The following MET variants were observed in gnomAD, a reference collection of about 807,000 sequenced individuals.
The protein encoded by MET is hepatocyte growth factor receptor.
Under a neutral mutation model 133.1 loss-of-function variants are expected in MET, and 48 were observed. The observed-to-expected ratio is 0.36, with a 90% CI of 0.29 to 0.46. MET has a LOEUF of 0.46. MET is among the 20% of genes least tolerant of loss of function. The pLI, the probability that MET is intolerant of heterozygous loss-of-function variation, is 1.00. For synonymous variants in MET, 628 were observed against 616.5 expected (o/e 1.02, Z -0.28); for missense variants, 1,442 against 1,695.9 (o/e 0.85, Z 2.63).
At chr7:116,707,107 T>C (rs1300235374) in intron 2 of MET, among the ~76,000 whole-genome samples, 1 of 152,076 alleles carries the variant, frequency 6.6e-6, no homozygotes, top group Non-Finnish European at 1.5e-5. Flanking sequence ...CCTAGTCTAA[T>C]GTTGGAGCAG....
At chr7:116,717,299 T>C (rs1226551595) in intron 2 of MET, among the ~76,000 whole-genome samples, 1 of 151,942 alleles carries the variant, frequency 6.6e-6, no homozygotes, top group African/African-American at 2.4e-5. Flanking sequence ...CAGTAAAGAG[T>C]TAAAATATGT....
chr7:116,795,684 G>A lies in MET; in HGVS notation c.3828G>A (p.Leu1276=), dbSNP rs2117107723. The change falls in exon 20 of 21, where the codon CTG becomes CTA. Residue 1276 remains leucine (L), a synonymous_variant. Transcript: ENST00000397752. ...CCTTTGGCGTGCTCCTCTGGGAGCT[G>A]ATGACAAGAGGAGCCCCACCTTATC... ...VWSFGVLLWE[L]MTRGAPPYPD... 1 of 1,614,076 alleles carries A rather than the reference G, an allele frequency of 6.2e-7. No individual in the cohort carries two copies. The highest frequency in any genetic ancestry group is 8.5e-7 in the Non-Finnish European group (1 of 1,180,018).
intron 2 of MET, among the ~76,000 whole-genome samples, chr7:116,716,284 GGAGAGAGAGAGAGAGA>G (rs564115135): frequency 0.021 from 782 of 38,064 alleles, 10 homozygotes; most frequent in African/African-American, 0.065. Context: ...AGGGAGAGAG[GGAGAGAGAGAGAGAGA>G]GAGAGAGAGA....
chr7:116,729,352 T>C (rs1792906963), intron 2 of MET, among the ~76,000 whole-genome samples: 1 of 152,214 alleles, frequency 6.6e-6, no homozygotes, highest in Admixed American at 6.5e-5. Flanking sequence ...GAAATCGTTG[T>C]TGATATATAA....
chr7:116,746,417 G>A (rs887057655), intron 5 of MET, among the ~76,000 whole-genome samples: 11 of 152,154 alleles, frequency 7.2e-5, no homozygotes, highest in Admixed American at 3.3e-4. Flanking sequence ...TGACCCAGCT[G>A]TCCCATTACT....
rs955086606 is a variant in MET, at chr7:116,725,328, T to A, written c.1201-6340T>A. On this transcript the variant is annotated intron_variant, in intron 2 of 20. Transcript: ENST00000397752. ...GTTATGTAACATTATAATTGTGAGT[T>A]CAGCAAAGCCATGAGAATGTTTCAA... Among the ~76,000 whole-genome samples, 9 of 152,216 alleles carry A rather than the reference T, an allele frequency of 5.9e-5. No homozygotes were observed. The East Asian group carries it at 1.7e-3, about 29-fold the overall frequency.
chr7:116,678,305 A>AACAGTGCACAT (rs1209725856), intron 1 of MET, among the ~76,000 whole-genome samples: 1 of 152,158 alleles, frequency 6.6e-6, no homozygotes, highest in Non-Finnish European at 1.5e-5. Context: ...TATATCATGA[A>AACAGTGCACAT]ACAGTGCACA....
chr7:116,737,916 A>G (rs1428065826), intron 3 of MET, among the ~76,000 whole-genome samples: 2 of 152,204 alleles, frequency 1.3e-5, no homozygotes, highest in African/African-American at 2.4e-5. Flanking sequence ...AAATGGTATT[A>G]AAAAGAGCAA....
intron 2 of MET, among the ~76,000 whole-genome samples, chr7:116,726,460 T>A (rs1792789644): frequency 6.6e-6 from 1 of 151,880 alleles, no homozygotes; most frequent in South Asian, 2.1e-4. Context: ...GTCCACCTTA[T>A]TCTTTGTCAC....
At chr7:116,743,364 G>T (rs1470052672) in intron 5 of MET, among the ~76,000 whole-genome samples, 1 of 152,170 alleles carries the variant, frequency 6.6e-6, no homozygotes, top group Non-Finnish European at 1.5e-5. Flanking sequence ...TGCCTGGAAT[G>T]CCAGCAAGAC....
intron 2 of MET, chr7:116,724,917 T>C (rs1792681674): frequency 8.3e-7 from 1 of 1,203,922 alleles, no homozygotes; most frequent in African/African-American, 1.6e-5. Context: ...AATTAATATT[T>C]GTAAAATGCT....
In MET at chr7:116,731,688, A is replaced by T. The variant is rs200003116; in HGVS notation, c.1221A>T (p.Ser407=). Residue 407 remains serine (S), a synonymous_variant, in exon 3 of 21, where the codon TCA becomes TCT. Coordinates refer to ENST00000397752, the MANE Select transcript of MET (RefSeq NM_000245.4). ...TCCAGACACTTCTGAGAAATTCATC[A>T]GGCTGTGAAGCGCGCCGTGATGAAT... is the stretch of plus-strand genomic sequence containing the variant. The part of the protein sequence containing the change: ...CFNRTLLRNS[S]GCEARRDEYR... The T allele has an allele frequency of 6.2e-7, 1 of 1,614,166 alleles. No individual in the cohort carries two copies.
chr7:116,779,024 C>A (rs2117049340), intron 17 of MET, 67 bp downstream of exon 17: 3 of 1,517,974 alleles, frequency 2.0e-6, no homozygotes, highest in Non-Finnish European at 2.7e-6. Context: ...TCAAAATAGG[C>A]CTGCTCTGAG....
rs756086234 is a variant in MET at position 116,797,171 on chromosome 7, A to G, written c.*1047A>G. On this transcript the variant is annotated 3_prime_UTR_variant, in exon 21 of 21. Transcript: ENST00000397752. Reference sequence around the variant, plus strand: ...GTGAACATGTAGATGTTTTGTGTGTATTTTTTTAAATGAAAACTCAAAATA... The same window carrying G: ...GTGAACATGTAGATGTTTTGTGTGTGTTTTTTTAAATGAAAACTCAAAATA... 10 of 202,040 alleles carry G rather than the reference A, an allele frequency of 4.9e-5. No homozygotes were observed. The highest frequency in any genetic ancestry group is 1.1e-4 in the African/African-American group (5 of 43,670). The allele number at this position is 202,040 out of a possible 1,614,324, so 12.5% of individuals were successfully genotyped here.
chr7:116,792,005 T>C (rs751090845), intron 19 of MET, among the ~76,000 whole-genome samples: 6 of 152,236 alleles, frequency 3.9e-5, no homozygotes, highest in African/African-American at 7.2e-5. Context: ...ATTTATTTAA[T>C]GGTATCCTTC....
At chr7:116,775,209 A>C (rs1794958275) in intron 15 of MET, 98 bp downstream of exon 15, 3 of 1,050,804 alleles carry the variant, frequency 2.9e-6, no homozygotes, top group Non-Finnish European at 4.4e-6. Context: ...TGGTGAAAGC[A>C]ACTGACAGAG....
At chr7:116,685,888 A>G (rs562463429) in intron 1 of MET, among the ~76,000 whole-genome samples, 2 of 152,024 alleles carry the variant, frequency 1.3e-5, no homozygotes, top group South Asian at 2.1e-4. Flanking sequence ...GTAAATCCGG[A>G]TGGAGTTCGA....
In MET at chr7:116,769,617, CA is replaced by C. The variant is rs1562929016; in HGVS notation, c.2584-26del. On this transcript the variant is annotated intron_variant, in intron 11 of 20. Coordinates refer to ENST00000397752, the MANE Select transcript of MET (RefSeq NM_000245.4). ...TTCCTGCAGAACTGTGAAGTGTTAA[CA>C]ACCTTTTTTTTTTTTTTTCCTTTCA... is the stretch of plus-strand genomic sequence containing the variant. 3.2e-6 allele frequency: 5 copies of C among 1,563,428 alleles called. No homozygotes were observed. The African/African-American group carries it at 7.5e-5, about 23-fold the overall frequency.
chr7:116,779,585 C>T (rs946155692), intron 17 of MET, among the ~76,000 whole-genome samples: 1 of 152,164 alleles, frequency 6.6e-6, no homozygotes, highest in Non-Finnish European at 1.5e-5. Flanking sequence ...TCACACTTAA[C>T]TGTCATCTGA....
Sources: allele counts gnomAD v4.1 joint callset (sites outside exome capture counted in the v4.1 genomes callset), GRCh38; gene constraint gnomAD v4.1.1; transcripts MANE v1.5; gene names NCBI Gene and HGNC (gene_info 2026-07-23, HGNC 2026-07-21).